The following ANKRD29 variants were observed in gnomAD, a reference collection of about 807,000 sequenced individuals.
The protein encoded by ANKRD29 is ankyrin repeat domain 29.
In ANKRD29, 32 loss-of-function variants were observed where a neutral mutation model predicts 38.0. That is an observed-to-expected ratio of 0.84 (90% confidence interval 0.64 to 1.13). The LOEUF is 1.13. Ranked by LOEUF, ANKRD29 falls within the 50% of genes most tolerant of loss-of-function variation. ANKRD29 has a pLI of 0.00. For missense variants in ANKRD29, 357 were observed against 377.9 expected (o/e 0.94, Z 0.46); for synonymous variants, 135 against 152.4 (o/e 0.89, Z 0.84).
In ANKRD29 at chr18:23,630,222, C is replaced by T. The variant is rs190021214; in HGVS notation, c.430-271G>A. Among the ~76,000 whole-genome samples the T allele has an allele frequency of 2.9e-3, 442 of 151,912 alleles. 4 individuals carry two copies. The highest frequency in any genetic ancestry group is 0.023 in the South Asian group (110 of 4,810). ...GGTGGATCACCTGACATCCGGAGTT[C>T]GAGACCAGCCTGGCCAACAGGGCGA... On this transcript the variant is annotated intron_variant, in intron 5 of 9. Coordinates refer to ENST00000592179, the MANE Select transcript of ANKRD29 (RefSeq NM_173505.4).
chr18:23,635,190 G>A (rs963303823), intron 4 of ANKRD29, among the ~76,000 whole-genome samples: 2 of 151,654 alleles, frequency 1.3e-5, no homozygotes, highest in African/African-American at 2.4e-5. Flanking sequence ...GATCAATTGA[G>A]CCCAGGAAGT....
chr18:23,603,216 G>C (rs2059534745), intron 9 of ANKRD29, among the ~76,000 whole-genome samples: 1 of 152,216 alleles, frequency 6.6e-6, no homozygotes, highest in Non-Finnish European at 1.5e-5. Context: ...AAAACCCACA[G>C]GTTTATCTAT....
Position 23,599,651 on chromosome 18 carries a change from C to T in ANKRD29, c.*1575G>A, listed in dbSNP as rs186423463. On this transcript the variant is annotated 3_prime_UTR_variant, in exon 10 of 10. Transcript: ENST00000592179. ...ATTTTAGCCACCAAAATGTTTATAT[C>T]TGGATGTTTTAGCAACAGAGAGCTT... The T allele has an allele frequency of 6.6e-6, 1 of 152,232 alleles. No homozygotes were observed. The highest frequency in any genetic ancestry group is 2.4e-5 in the African/African-American group (1 of 41,532). The allele number at this position is 152,232 out of a possible 1,614,324, so 9.4% of individuals were successfully genotyped here. A position where few individuals can be genotyped will look rare whatever the true frequency, so the allele number is the denominator to read the frequency against.
intron 5 of ANKRD29, among the ~76,000 whole-genome samples, chr18:23,632,020 C>T (rs2059938945): frequency 1.3e-5 from 2 of 152,200 alleles, no homozygotes; most frequent in South Asian, 2.1e-4. Flanking sequence ...AAATATAAGA[C>T]ATGTTTCCCT....
chr18:23,605,335 A>G (rs1330868897), intron 9 of ANKRD29, among the ~76,000 whole-genome samples: 1 of 150,786 alleles, frequency 6.6e-6, no homozygotes, highest in Non-Finnish European at 1.5e-5. Flanking sequence ...TCTGGGCTCA[A>G]GCTGGGACTA....
In ANKRD29 at chr18:23,633,972, G is replaced by A. The variant is rs184018972; in HGVS notation, c.429+79C>T. 3.4e-3 allele frequency: 4,720 copies of A among 1,403,706 alleles called. 14 individuals are homozygous for A. Among genetic ancestry groups the A allele is most frequent in the Non-Finnish European group, 4.2e-3 (4,207 of 994,584 alleles). 87.0% of individuals were successfully genotyped at this position (1,403,706 alleles called of 1,614,324 possible). A position where few individuals can be genotyped will look rare whatever the true frequency, so the allele number is the denominator to read the frequency against. Reference sequence around the variant, plus strand: ...GTCCATTAAAGTATTTTTGAAGTTGGCATTTCTGGCATCTGAATTTAGACT... The same window carrying A: ...GTCCATTAAAGTATTTTTGAAGTTGACATTTCTGGCATCTGAATTTAGACT... On this transcript the variant is annotated intron_variant, in intron 5 of 9. Transcript: ENST00000592179.
At chr18:23,606,487 C>G (rs917484232) in intron 9 of ANKRD29, among the ~76,000 whole-genome samples, 2 of 151,882 alleles carry the variant, frequency 1.3e-5, no homozygotes, top group African/African-American at 2.4e-5. Flanking sequence ...ATTTTTATTT[C>G]TTTTGTAGAG....
At chr18:23,619,744 A>G in intron 6 of ANKRD29, 115 bp from the exon 7 acceptor site, 1 of 785,106 alleles carries the variant, frequency 1.3e-6, no homozygotes, top group East Asian at 2.9e-5. Flanking sequence ...GCACTCCCTG[A>G]CCGCAGATCA....
intron 1 of ANKRD29, among the ~76,000 whole-genome samples, chr18:23,650,161 T>G (rs1256529874): frequency 6.6e-6 from 1 of 152,152 alleles, no homozygotes; most frequent in African/African-American, 2.4e-5. Context: ...GTTTTGTTTG[T>G]TTGAGACAGG....
intron 9 of ANKRD29, among the ~76,000 whole-genome samples, chr18:23,606,820 C>T (rs1271626144): frequency 6.6e-6 from 1 of 152,132 alleles, no homozygotes; most frequent in African/African-American, 2.4e-5. Context: ...GCTATGATGG[C>T]AACACTGCAC....
chr18:23,634,899 G>A (rs1188889903), intron 4 of ANKRD29, among the ~76,000 whole-genome samples: 2 of 152,152 alleles, frequency 1.3e-5, no homozygotes, highest in Non-Finnish European at 2.9e-5. Flanking sequence ...GTAACCCAGT[G>A]GTAAGCCACT....
At chr18:23,616,565 C>CTATATATACTGTATATATATATAT (rs1568013693) in intron 8 of ANKRD29, among the ~76,000 whole-genome samples, 1 of 138,332 alleles carries the variant, frequency 7.2e-6, no homozygotes, top group African/African-American at 2.7e-5. Context: ...TATATATATA[C>CTATATATACTGTATATATATATAT]ACTATATATA....
At chr18:23,643,283 A>G (rs750000568) in intron 3 of ANKRD29, among the ~76,000 whole-genome samples, 21 of 152,128 alleles carry the variant, frequency 1.4e-4, no homozygotes, top group Non-Finnish European at 2.9e-4. Context: ...CTTGGTTCCC[A>G]CAGAAATAAG....
chr18:23,601,340 TC>T, intron 9 of ANKRD29, 31 bp from the exon 10 acceptor site: 1 of 1,595,104 alleles, frequency 6.3e-7, no homozygotes. Flanking sequence ...CATTAGTGAA[TC>T]CCCATAGCTG....
chr18:23,619,587 T>C lies in ANKRD29; in HGVS notation c.571A>G (p.Ser191Gly). 6.3e-7 allele frequency: 1 copy of C among 1,597,458 alleles called. No homozygotes were observed. The highest frequency in any genetic ancestry group is 8.5e-7 in the Non-Finnish European group (1 of 1,178,982). ...PLWIASQMGH[S>G]EVVRVMLLRG... is the part of the protein sequence containing the mutation. ...AGCAGCATCACCCGCACCACCTCGCTGTGGCCCATCTGGGACGCGATCCAC... is the reference window on the plus strand; with the variant it reads ...AGCAGCATCACCCGCACCACCTCGCCGTGGCCCATCTGGGACGCGATCCAC... Residue 191 changes from serine to glycine, a missense_variant, in exon 7 of 10, where the codon AGC becomes GGC. Ser to Gly is a moderately conservative substitution (Grantham distance 56). Transcript: ENST00000592179.
intron 3 of ANKRD29, among the ~76,000 whole-genome samples, chr18:23,641,407 C>T (rs749101441): frequency 9.2e-5 from 14 of 152,274 alleles, no homozygotes; most frequent in East Asian, 3.8e-4. Flanking sequence ...TGCTCCAGTG[C>T]GGAGCAAAGC....
intron 1 of ANKRD29, among the ~76,000 whole-genome samples, chr18:23,662,159 T>C (rs1477336696): frequency 6.6e-6 from 1 of 152,242 alleles, no homozygotes; most frequent in Non-Finnish European, 1.5e-5. Context: ...CTATTTTTAT[T>C]AAACCCTTTC....
chr18:23,612,251 C>T (rs1371279345), intron 8 of ANKRD29, 61 bp from the exon 9 acceptor site: 2 of 1,445,666 alleles, frequency 1.4e-6, no homozygotes, highest in Middle Eastern at 1.8e-4. Flanking sequence ...TTCAGCATGG[C>T]TTTCATCATA....
chr18:23,650,250 A>G (rs2163173), intron 1 of ANKRD29, among the ~76,000 whole-genome samples: 22,257 of 151,960 alleles, frequency 0.15, 3,684 homozygotes, highest in African/African-American at 0.38. Flanking sequence ...GGCTCAAGCC[A>G]TCCTCCCACC....
Sources: gnomAD v4.1 joint callset for allele counts (sites outside exome capture counted in the v4.1 genomes callset) on GRCh38, gnomAD v4.1.1 for gene constraint, MANE v1.5 for transcripts, NCBI Gene and HGNC (gene_info 2026-07-23, HGNC 2026-07-21) for gene names.